ANP32B: variants seen among roughly 807,000 people sequenced by gnomAD.
ANP32B encodes acidic leucine-rich nuclear phosphoprotein 32 family member B.
In ANP32B, 6 loss-of-function variants were observed where a neutral mutation model predicts 32.2. The observed-to-expected ratio is 0.19, with a 90% confidence interval of 0.10 to 0.37. The LOEUF is 0.37. Among genes scored for constraint, ANP32B ranks in the 10% least tolerant of loss-of-function variants. The pLI, the probability that ANP32B is intolerant of heterozygous loss-of-function variation, is 1.00. For synonymous variants in ANP32B, 98 were observed against 105.8 expected, an observed-to-expected ratio of 0.93 and a Z score of 0.45; for missense variants, 204 against 289.2, an observed-to-expected ratio of 0.71 and a Z score of 2.14.
Position 97,983,544 on chromosome 9 carries a change from G to T in ANP32B, c.-12G>T, listed in dbSNP as rs1827633581. ...CGGAAAGTTAAGTTTGAAGAGGGGGGAAGAGGGGAACATGGACATGAAGAG... is the reference window on the plus strand; with the variant it reads ...CGGAAAGTTAAGTTTGAAGAGGGGGTAAGAGGGGAACATGGACATGAAGAG... On this transcript the variant is annotated 5_prime_UTR_variant, in exon 1 of 7. Coordinates refer to ENST00000339399, the MANE Select transcript of ANP32B (RefSeq NM_006401.3). The T allele has an allele frequency of 2.5e-6, 4 of 1,572,418 alleles. No individual in the cohort carries two copies. Among genetic ancestry groups the T allele is most frequent in the Non-Finnish European group, 2.6e-6 (3 of 1,159,982 alleles).
intron 1 of ANP32B, among the ~76,000 whole-genome samples, chr9:97,988,769 A>G (rs1001281196): frequency 2.6e-5 from 4 of 152,220 alleles, no homozygotes; most frequent in South Asian, 2.1e-4. Context: ...ATTTAGAAAC[A>G]TTATTTTAAA....
intron 1 of ANP32B, among the ~76,000 whole-genome samples, chr9:97,985,457 G>A (rs1486584060): frequency 6.6e-6 from 1 of 152,172 alleles, no homozygotes; most frequent in African/African-American, 2.4e-5. Context: ...TTTTGTGCCC[G>A]CCACGTGCTA....
At chr9:98,012,145 T>C (rs938857950) in intron 5 of ANP32B, among the ~76,000 whole-genome samples, 3 of 152,226 alleles carry the variant, frequency 2.0e-5, no homozygotes, top group Non-Finnish European at 4.4e-5. Context: ...GATTTTAAGA[T>C]GTTTTCTTGA....
chr9:97,984,325 T>G (rs570569051), intron 1 of ANP32B, among the ~76,000 whole-genome samples: 2 of 151,262 alleles, frequency 1.3e-5, no homozygotes, highest in Non-Finnish European at 3.0e-5. Flanking sequence ...TTCCCGCCAT[T>G]TTTCAAGCCC....
At chr9:97,988,194 CATT>C (rs367570738) in intron 1 of ANP32B, among the ~76,000 whole-genome samples, 302 of 152,102 alleles carry the variant, frequency 2.0e-3, no homozygotes, top group African/African-American at 6.7e-3. Context: ...TTTATAGACT[CATT>C]ATTAATGTCT....
intron 4 of ANP32B, among the ~76,000 whole-genome samples, chr9:98,008,029 A>T: frequency 6.6e-6 from 1 of 152,112 alleles, no homozygotes; most frequent in East Asian, 1.9e-4. Flanking sequence ...TTTTAAGTTC[A>T]GGGGTACATG....
intron 4 of ANP32B, among the ~76,000 whole-genome samples, chr9:98,005,693 G>T (rs1003161889): frequency 2.0e-5 from 3 of 152,314 alleles, no homozygotes; most frequent in African/African-American, 7.2e-5. Context: ...CAAGTGGTGG[G>T]ATTACAGGGA....
At chr9:97,987,139 C>A (rs547254093) in intron 1 of ANP32B, among the ~76,000 whole-genome samples, 7 of 152,228 alleles carry the variant, frequency 4.6e-5, no homozygotes, top group African/African-American at 1.7e-4. Flanking sequence ...GCCCATTTCC[C>A]TAAGGGATGG....
At position 98,005,013 on chromosome 9, in the gene ANP32B, C is replaced by CTCA; in HGVS notation, c.377_378insTCA (p.Thr126_Asn127insHis). On this transcript the variant is annotated inframe_insertion, in exon 4 of 7. Coordinates refer to ENST00000339399, the MANE Select transcript of ANP32B (RefSeq NM_006401.3). ...CTGGACCTCTTTAACTGTGAGGTTA[C>CTCA]CAACCTGAATGACTACCGAGAGAGT... The CTCA allele has an allele frequency of 6.2e-7, 1 of 1,613,858 alleles. No individual in the cohort carries two copies. The highest frequency in any genetic ancestry group is 8.5e-7 in the Non-Finnish European group (1 of 1,179,914).
At chr9:97,985,888 C>G (rs962230840) in intron 1 of ANP32B, among the ~76,000 whole-genome samples, 10 of 152,070 alleles carry the variant, frequency 6.6e-5, no homozygotes, top group African/African-American at 2.4e-4. Context: ...ATGGCACTAT[C>G]TCGGCTCACC....
intron 1 of ANP32B, among the ~76,000 whole-genome samples, chr9:97,992,937 GAAGTT>G (rs1023199504): frequency 2.2e-4 from 33 of 152,188 alleles, no homozygotes; most frequent in African/African-American, 6.3e-4. Flanking sequence ...GAGGCACAGA[GAAGTT>G]AAGTGACTCG....
intron 1 of ANP32B, chr9:97,984,766 A>G (rs1440328623): frequency 6.7e-6 from 1 of 148,630 alleles, no homozygotes; most frequent in South Asian, 2.1e-4. Context: ...CCGCCGACTC[A>G]TCCCGTCGCG....
chr9:97,993,028 T>G (rs1827853983), intron 1 of ANP32B, among the ~76,000 whole-genome samples: 1 of 152,220 alleles, frequency 6.6e-6, no homozygotes, highest in African/African-American at 2.4e-5. Flanking sequence ...AGAGCCCAGC[T>G]TTTGTCAGAG....
At chr9:98,014,854 G>A (rs1587883514) in intron 6 of ANP32B, among the ~76,000 whole-genome samples, 1 of 152,176 alleles carries the variant, frequency 6.6e-6, no homozygotes, top group East Asian at 1.9e-4. Context: ...CCGGATTCAA[G>A]CAATTCTCAT....
chr9:97,989,286 A>G (rs1003600308), intron 1 of ANP32B, among the ~76,000 whole-genome samples: 1 of 152,168 alleles, frequency 6.6e-6, no homozygotes, highest in African/African-American at 2.4e-5. Flanking sequence ...TATAGTTCAA[A>G]TTTTTCAATG....
At chr9:98,013,539 CTTATTTAATACTG>C (rs1828223223) in intron 6 of ANP32B, among the ~76,000 whole-genome samples, 1 of 152,174 alleles carries the variant, frequency 6.6e-6, no homozygotes, top group Admixed American at 6.5e-5. Context: ...ATAGCTGTTA[CTTATTTAATACTG>C]TTGAAAGTAT....
intron 1 of ANP32B, among the ~76,000 whole-genome samples, chr9:97,992,023 CAGTGATAT>C (rs1216177395): frequency 1.3e-5 from 2 of 152,298 alleles, no homozygotes; most frequent in South Asian, 4.1e-4. Context: ...GGCTCTTACA[CAGTGATAT>C]AGTGGTAACC....
chr9:97,984,794 C>T (rs905137247), intron 1 of ANP32B: 2 of 150,572 alleles, frequency 1.3e-5, no homozygotes, highest in African/African-American at 4.8e-5. Context: ...TGCCGACCCC[C>T]TCCCCCTTCT....
chr9:98,006,260 A>G lies in ANP32B; in HGVS notation c.517+1107A>G, dbSNP rs540236146. Among the ~76,000 whole-genome samples the G allele has an allele frequency of 4.6e-5, 7 of 152,334 alleles. No individual in the cohort carries two copies. The South Asian group carries it at 1.5e-3, about 32-fold the overall frequency. ...CTGTGAGTGGCAAGTGACAAGCTGC[A>G]TCTGGTGGCAGGCTTTATAGTGGCA... is the stretch of plus-strand genomic sequence containing the variant. On this transcript the variant is annotated intron_variant, in intron 4 of 6. Transcript: ENST00000339399.
Sources: allele counts gnomAD v4.1 joint callset (sites outside exome capture counted in the v4.1 genomes callset), GRCh38; gene constraint gnomAD v4.1.1; transcripts MANE v1.5; gene names NCBI Gene and HGNC (gene_info 2026-07-23, HGNC 2026-07-21).